ERI1: variants seen among roughly 807,000 people sequenced by gnomAD.
ERI1 encodes 3'-5' exoribonuclease 1.
In ERI1, 39 loss-of-function variants were observed where a neutral mutation model predicts 39.7. That is an observed-to-expected ratio of 0.98 (90% CI 0.76 to 1.28). The LOEUF is 1.28. ERI1 is among the 50% of genes most tolerant of loss of function. The probability of loss-of-function intolerance (pLI) is 0.00; values close to 1 mark genes in which losing one functional copy is unlikely to be tolerated. For missense variants in ERI1, 581 were observed against 416.9 expected (o/e 1.39, Z -3.43); for synonymous variants, 204 against 149.6 (o/e 1.36, Z -2.65).
intron 3 of ERI1, among the ~76,000 whole-genome samples, chr8:9,068,640 T>C (rs777494595): frequency 6.6e-6 from 1 of 152,100 alleles, no homozygotes; most frequent in African/African-American, 2.4e-5. Context: ...CTTGCTTCTC[T>C]TCCTAGGATG....
intron 3 of ERI1, among the ~76,000 whole-genome samples, chr8:9,047,902 G>C (rs1225194444): frequency 1.3e-5 from 2 of 152,226 alleles, no homozygotes; most frequent in Admixed American, 1.3e-4. Context: ...ACCATGCCAG[G>C]TGTTCCAGAT....
chr8:9,039,932 A>T (rs565899576), intron 3 of ERI1, among the ~76,000 whole-genome samples: 2 of 152,202 alleles, frequency 1.3e-5, no homozygotes, highest in East Asian at 3.9e-4. Context: ...TATAGGTTTT[A>T]TTCAGTGCCT....
intron 3 of ERI1, among the ~76,000 whole-genome samples, chr8:9,095,444 A>C (rs1799846366): frequency 6.6e-6 from 1 of 152,112 alleles, no homozygotes; most frequent in Admixed American, 6.6e-5. Context: ...TGCAAATTCA[A>C]ATTGGCTACA....
At chr8:9,020,153 T>C (rs1817727740) in intron 5 of ERI1, among the ~76,000 whole-genome samples, 197 bp from the exon 6 acceptor site, 1 of 152,180 alleles carries the variant, frequency 6.6e-6, no homozygotes, top group Non-Finnish European at 1.5e-5. Flanking sequence ...AAAGTTAATA[T>C]ATCCGACTTC....
chr8:9,004,159 TC>T, intron 1 of ERI1: 2 of 1,289,112 alleles, frequency 1.6e-6, no homozygotes, highest in Non-Finnish European at 2.0e-6. Flanking sequence ...TGTGTGCACT[TC>T]CTTTGGATCC....
chr8:9,067,451 G>C (rs935980891), intron 3 of ERI1, among the ~76,000 whole-genome samples: 1 of 149,832 alleles, frequency 6.7e-6, no homozygotes, highest in African/African-American at 2.5e-5. Flanking sequence ...AAAAAAGAAA[G>C]GTGACCTAGC....
chr8:9,039,615 T>G (rs1007332048), intron 3 of ERI1, among the ~76,000 whole-genome samples: 1 of 152,234 alleles, frequency 6.6e-6, no homozygotes, highest in African/African-American at 2.4e-5. Flanking sequence ...AGGCAAGATA[T>G]TCTTTCAATA....
At chr8:9,014,218 G>A (rs558333185) in intron 3 of ERI1, among the ~76,000 whole-genome samples, 1 of 152,222 alleles carries the variant, frequency 6.6e-6, no homozygotes, top group African/African-American at 2.4e-5. Flanking sequence ...AAAATGCCAG[G>A]CATGCTTTAT....
chr8:9,080,009 A>T (rs1799322576), intron 3 of ERI1, among the ~76,000 whole-genome samples: 1 of 140,086 alleles, frequency 7.1e-6, no homozygotes, highest in African/African-American at 2.7e-5. Context: ...AAAAAAAAAA[A>T]GTTTGAGTGA....
At chr8:9,094,252 T>C (rs2117486513) in intron 3 of ERI1, among the ~76,000 whole-genome samples, 1 of 152,252 alleles carries the variant, frequency 6.6e-6, no homozygotes, top group Non-Finnish European at 1.5e-5. Flanking sequence ...ATGAGAATCG[T>C]CGTGGACTCT....
At chr8:9,099,596 C>G (rs1444835366) in intron 3 of ERI1, among the ~76,000 whole-genome samples, 2 of 136,776 alleles carry the variant, frequency 1.5e-5, no homozygotes, top group Non-Finnish European at 3.1e-5. Flanking sequence ...CACTCTCTCT[C>G]TCAAAAAAAA....
At chr8:9,062,897 T>C (rs1196328958) in intron 3 of ERI1, 4 of 152,104 alleles carry the variant, frequency 2.6e-5, no homozygotes, top group South Asian at 2.1e-4. Flanking sequence ...CTGGCACTTG[T>C]AGCAAGCTCC....
Position 9,018,292 on chromosome 8 carries a change from C to T in ERI1, c.583-5C>T, listed in dbSNP as rs760001370. The T allele has an allele frequency of 5.7e-6, 9 of 1,580,340 alleles. No individual in the cohort carries two copies. The African/African-American group carries it at 8.1e-5, about 14-fold the overall frequency. ...TTTTTGTATATTTTACTTTTATATC[C>T]TCAGGATCAGGTAGACAGAGCTGAT... On this transcript the variant is annotated splice_polypyrimidine_tract_variant and splice_region_variant and intron_variant, in intron 4 of 6. Coordinates refer to ENST00000250263, the MANE Select transcript of ERI1 (RefSeq NM_153332.4).
At chr8:9,036,758 A>AGT (rs1315164637), downstream of ERI1, among the ~76,000 whole-genome samples, 2 of 152,158 alleles carry the variant, frequency 1.3e-5, no homozygotes, top group Admixed American at 1.3e-4. Context: ...TTGCTAATGT[A>AGT]GTGTGGCACA....
chr8:9,057,598 A>G (rs1054137534), intron 3 of ERI1, among the ~76,000 whole-genome samples: 4 of 152,202 alleles, frequency 2.6e-5, no homozygotes, highest in African/African-American at 7.2e-5. Flanking sequence ...GCCAGACACT[A>G]TTTTAGGCCT....
At chr8:9,080,464 A>G (rs1423972081) in intron 3 of ERI1, among the ~76,000 whole-genome samples, 2 of 152,204 alleles carry the variant, frequency 1.3e-5, no homozygotes, top group Admixed American at 6.5e-5. Flanking sequence ...AGAGACGTGA[A>G]CAGCACACAT....
downstream of ERI1, among the ~76,000 whole-genome samples, chr8:9,037,594 G>C (rs1281564246): frequency 2.0e-5 from 3 of 151,826 alleles, no homozygotes; most frequent in Admixed American, 6.6e-5. Context: ...TGGGTGCTTA[G>C]TTAAAAATAA....
At chr8:9,047,441 G>A (rs1408972470) in intron 3 of ERI1, among the ~76,000 whole-genome samples, 2 of 152,092 alleles carry the variant, frequency 1.3e-5, no homozygotes, top group South Asian at 2.1e-4. Context: ...ATGGGAAATG[G>A]GCTGCAGAAG....
chr8:9,075,775 GA>G (rs1272975562), intron 3 of ERI1, among the ~76,000 whole-genome samples: 1 of 152,114 alleles, frequency 6.6e-6, no homozygotes, highest in East Asian at 1.9e-4. Flanking sequence ...CTATTACAGT[GA>G]AAGGGAAAAA....
Sources: allele counts gnomAD v4.1 joint callset (sites outside exome capture counted in the v4.1 genomes callset), GRCh38; gene constraint gnomAD v4.1.1; transcripts MANE v1.5; gene names NCBI Gene and HGNC (gene_info 2026-07-23, HGNC 2026-07-21).